The following KCNIP1 variants were observed in gnomAD, a reference collection of about 807,000 sequenced individuals.
KCNIP1 encodes potassium voltage-gated channel interacting protein 1.
A neutral mutation model predicts 33.0 loss-of-function variants in KCNIP1; 18 were observed. That is an observed-to-expected ratio of 0.55 (90% CI 0.38 to 0.81). The LOEUF (loss-of-function observed/expected upper bound fraction) is 0.81, where lower values mean the gene tolerates loss of function less well. KCNIP1 is among the 30% of genes least tolerant of loss of function. KCNIP1 has a pLI of 0.00. For synonymous variants in KCNIP1, 93 were observed against 98.3 expected, an observed-to-expected ratio of 0.95 and a Z score of 0.32; for missense variants, 238 against 271.6, an observed-to-expected ratio of 0.88 and a Z score of 0.87.
intron 1 of KCNIP1, among the ~76,000 whole-genome samples, chr5:170,589,893 AC>A (rs1267313643): frequency 6.6e-6 from 1 of 152,122 alleles, no homozygotes; most frequent in East Asian, 1.9e-4. Context: ...AGCCCAGAGC[AC>A]CAGACTCTGC....
chr5:170,720,147 T>G (rs900811222), intron 2 of KCNIP1, among the ~76,000 whole-genome samples, 174 bp from the exon 3 acceptor site: 10 of 152,244 alleles, frequency 6.6e-5, no homozygotes, highest in South Asian at 2.1e-4. Context: ...TGACAATGTC[T>G]CATCATTTTG....
intron 1 of KCNIP1, among the ~76,000 whole-genome samples, chr5:170,613,302 C>T (rs960074063): frequency 1.3e-5 from 2 of 152,206 alleles, no homozygotes; most frequent in African/African-American, 4.8e-5. Flanking sequence ...CTATTTAATT[C>T]ATTGTCACAT....
intron 1 of KCNIP1, chr5:170,712,937 C>G: frequency 6.9e-7 from 1 of 1,450,266 alleles, no homozygotes; most frequent in Non-Finnish European, 9.7e-7. Context: ...CTTGCAAAGG[C>G]AGAGCTTCTT....
chr5:170,398,660 A>C (rs1171812576), intron 1 of KCNIP1, among the ~76,000 whole-genome samples: 1 of 152,196 alleles, frequency 6.6e-6, no homozygotes, highest in Non-Finnish European at 1.5e-5. Context: ...GACCATTCTA[A>C]CTGTCCTTTT....
chr5:170,733,554 G>T (rs1365593676), intron 6 of KCNIP1, among the ~76,000 whole-genome samples: 1 of 152,196 alleles, frequency 6.6e-6, no homozygotes, highest in Non-Finnish European at 1.5e-5. Context: ...GTAGCAGGGA[G>T]TCTACAGAAG....
chr5:170,610,595 A>G (rs1759107466), intron 1 of KCNIP1, among the ~76,000 whole-genome samples: 1 of 152,234 alleles, frequency 6.6e-6, no homozygotes, highest in East Asian at 1.9e-4. Flanking sequence ...TGCACCTTTC[A>G]TTAACTGAGT....
At chr5:170,574,336 G>A (rs1757521337) in intron 1 of KCNIP1, among the ~76,000 whole-genome samples, 1 of 152,160 alleles carries the variant, frequency 6.6e-6, no homozygotes, top group South Asian at 2.1e-4. Flanking sequence ...GTAACACTAA[G>A]CATTAAAATA....
chr5:170,696,887 T>C (rs1219611202), intron 1 of KCNIP1, among the ~76,000 whole-genome samples: 1 of 152,106 alleles, frequency 6.6e-6, no homozygotes, highest in Non-Finnish European at 1.5e-5. Context: ...GAGGAGCCAT[T>C]GAAGGCTTTA....
chr5:170,383,399 C>T, intron 1 of KCNIP1: 2 of 599,616 alleles, frequency 3.3e-6, no homozygotes, highest in East Asian at 5.5e-5. Flanking sequence ...AACAGCTCTT[C>T]AAGGTGCAGC....
intron 1 of KCNIP1, among the ~76,000 whole-genome samples, chr5:170,655,442 T>G (rs192924013): frequency 1.3e-5 from 2 of 152,334 alleles, no homozygotes; most frequent in Admixed American, 1.3e-4. Context: ...CCGGATCCCA[T>G]TTTGCTCTGG....
intron 1 of KCNIP1, among the ~76,000 whole-genome samples, chr5:170,618,846 T>C (rs1759499340): frequency 6.6e-6 from 1 of 152,188 alleles, no homozygotes; most frequent in East Asian, 1.9e-4. Flanking sequence ...TCTTACTTCA[T>C]TCTTTCCTTC....
chr5:170,717,310 T>C (rs1763674118), intron 1 of KCNIP1, among the ~76,000 whole-genome samples: 1 of 152,216 alleles, frequency 6.6e-6, no homozygotes, highest in South Asian at 2.1e-4. Flanking sequence ...CTTCAGCGTT[T>C]AGATAATTGC....
chr5:170,716,351 T>G (rs1763644400), intron 1 of KCNIP1, among the ~76,000 whole-genome samples: 1 of 152,244 alleles, frequency 6.6e-6, no homozygotes, highest in Non-Finnish European at 1.5e-5. Context: ...GTGTGTATAC[T>G]GGGTTGTGAT....
At chr5:170,505,681 C>G (rs1024316763) in intron 1 of KCNIP1, among the ~76,000 whole-genome samples, 1 of 152,044 alleles carries the variant, frequency 6.6e-6, no homozygotes, top group African/African-American at 2.4e-5. Flanking sequence ...CTTGGTTGGT[C>G]TCACCCTGTT....
At chr5:170,462,655 A>G (rs1311000086) in intron 1 of KCNIP1, among the ~76,000 whole-genome samples, 1 of 152,232 alleles carries the variant, frequency 6.6e-6, no homozygotes, top group Admixed American at 6.5e-5. Flanking sequence ...AAAAGAAGTC[A>G]TTATACGAAA....
intron 1 of KCNIP1, among the ~76,000 whole-genome samples, chr5:170,386,831 T>C (rs1331515824): frequency 6.6e-6 from 1 of 152,120 alleles, no homozygotes; most frequent in East Asian, 1.9e-4. Flanking sequence ...TGCTGGTGGT[T>C]GCTTTCCTTC....
chr5:170,683,721 A>G (rs1197166510), intron 1 of KCNIP1, among the ~76,000 whole-genome samples: 1 of 151,252 alleles, frequency 6.6e-6, no homozygotes, highest in Non-Finnish European at 1.5e-5. Flanking sequence ...TTTTATTTTT[A>G]AGGTTTTTTT....
chr5:170,391,939 C>T (rs1754606365), intron 1 of KCNIP1, among the ~76,000 whole-genome samples: 1 of 152,194 alleles, frequency 6.6e-6, no homozygotes, highest in Non-Finnish European at 1.5e-5. Flanking sequence ...GTGGCATCAA[C>T]ACTCCACCAT....
intron 5 of KCNIP1, among the ~76,000 whole-genome samples, chr5:170,724,843 A>G (rs1167197146): frequency 6.6e-6 from 1 of 152,204 alleles, no homozygotes; most frequent in African/African-American, 2.4e-5. Context: ...ACAGAGATAA[A>G]TCATGCTCAT....
Sources: allele counts gnomAD v4.1 joint callset (sites outside exome capture counted in the v4.1 genomes callset), GRCh38; gene constraint gnomAD v4.1.1; transcripts MANE v1.5; gene names NCBI Gene and HGNC (gene_info 2026-07-23, HGNC 2026-07-21).